DPP10: variants seen among roughly 807,000 people sequenced by gnomAD.
DPP10 encodes the protein dipeptidyl peptidase like 10.
Under a neutral mutation model 120.9 loss-of-function variants are expected in DPP10, and 33 were observed. The observed-to-expected ratio is 0.27, with a 90% CI of 0.21 to 0.37. DPP10 has a LOEUF of 0.37. Among genes scored for constraint, DPP10 ranks in the 10% least tolerant of loss-of-function variants. DPP10 has a pLI of 1.00. For missense variants in DPP10, 816 were observed against 942.8 expected, an observed-to-expected ratio of 0.87 and a Z score of 1.76; for synonymous variants, 337 against 326.1, an observed-to-expected ratio of 1.03 and a Z score of -0.36.
chr2:114,643,635 G>A (rs1695879352), intron 1 of DPP10, among the ~76,000 whole-genome samples: 1 of 151,780 alleles, frequency 6.6e-6, no homozygotes, highest in Non-Finnish European at 1.5e-5. Flanking sequence ...ATTTTACTCA[G>A]ATTATGATAT....
intron 1 of DPP10, among the ~76,000 whole-genome samples, chr2:115,085,065 C>T (rs941200367): frequency 1.3e-5 from 2 of 152,138 alleles, no homozygotes; most frequent in Non-Finnish European, 2.9e-5. Flanking sequence ...AGAGAAAATG[C>T]CAAGTGCCCC....
At chr2:114,613,628 A>T (rs192253554) in intron 1 of DPP10, among the ~76,000 whole-genome samples, 2 of 152,260 alleles carry the variant, frequency 1.3e-5, no homozygotes, top group African/African-American at 4.8e-5. Context: ...TACCCAAAGG[A>T]TTATAAATCA....
chr2:114,592,609 C>G (rs1476077880), intron 1 of DPP10, among the ~76,000 whole-genome samples: 1 of 151,740 alleles, frequency 6.6e-6, no homozygotes, highest in Non-Finnish European at 1.5e-5. Context: ...ATAAAAAAAG[C>G]TCTCATCAAA....
At chr2:115,154,767 G>C (rs532755727) in intron 1 of DPP10, among the ~76,000 whole-genome samples, 229 of 151,860 alleles carry the variant, frequency 1.5e-3, no homozygotes, top group African/African-American at 5.0e-3. Context: ...GTTAACTCCA[G>C]TCCCCAACAG....
chr2:114,996,532 C>T (rs1701096314), intron 1 of DPP10, among the ~76,000 whole-genome samples: 1 of 151,962 alleles, frequency 6.6e-6, no homozygotes, highest in Non-Finnish European at 1.5e-5. Context: ...ATTTAAAACA[C>T]ATCAGGCATT....
At chr2:115,479,690 A>G (rs2075310983) in intron 3 of DPP10, among the ~76,000 whole-genome samples, 1 of 152,160 alleles carries the variant, frequency 6.6e-6, no homozygotes, top group Non-Finnish European at 1.5e-5. Flanking sequence ...GGTCTCCCAT[A>G]AGACCAGGAG....
intron 1 of DPP10, among the ~76,000 whole-genome samples, chr2:115,291,792 A>G (rs985868765): frequency 6.6e-6 from 1 of 152,120 alleles, no homozygotes; most frequent in Non-Finnish European, 1.5e-5. Flanking sequence ...TTACTTTTGA[A>G]CACATTCATC....
At chr2:115,639,607 GA>G (rs2086617068) in intron 5 of DPP10, among the ~76,000 whole-genome samples, 1 of 149,238 alleles carries the variant, frequency 6.7e-6, no homozygotes, top group African/African-American at 2.4e-5. Context: ...ACAGGTACAT[GA>G]AACTCAAATG....
At chr2:114,709,469 G>A (rs1008754068) in intron 1 of DPP10, among the ~76,000 whole-genome samples, 1 of 152,122 alleles carries the variant, frequency 6.6e-6, no homozygotes, top group Non-Finnish European at 1.5e-5. Flanking sequence ...ACTAATTTCT[G>A]TTTTCCTGGT....
At chr2:115,695,179 A>G (rs1034104121) in intron 7 of DPP10, among the ~76,000 whole-genome samples, 15 of 152,238 alleles carry the variant, frequency 9.9e-5, no homozygotes, top group African/African-American at 3.1e-4. Flanking sequence ...GTCACCATAC[A>G]TGCACAGGGA....
At chr2:114,787,842 C>G (rs1008209471) in intron 1 of DPP10, among the ~76,000 whole-genome samples, 1 of 152,180 alleles carries the variant, frequency 6.6e-6, no homozygotes, top group African/African-American at 2.4e-5. Flanking sequence ...AAGCCTTATT[C>G]CTATCCTCAA....
intron 19 of DPP10, among the ~76,000 whole-genome samples, chr2:115,805,529 G>T (rs998603707): frequency 4.6e-5 from 7 of 151,658 alleles, no homozygotes; most frequent in Non-Finnish European, 8.8e-5. Context: ...GGCTCAGGCA[G>T]GGAGCTGTAG....
At chr2:114,736,623 A>G (rs1383761451) in intron 1 of DPP10, among the ~76,000 whole-genome samples, 2 of 152,226 alleles carry the variant, frequency 1.3e-5, no homozygotes, top group Admixed American at 1.3e-4. Flanking sequence ...AATGTTGATA[A>G]TTTAGGTAAA....
chr2:115,223,276 C>T (rs2105432614), intron 1 of DPP10, among the ~76,000 whole-genome samples: 1 of 152,044 alleles, frequency 6.6e-6, no homozygotes, highest in East Asian at 1.9e-4. Context: ...TTTTTGAGGC[C>T]ACTGTGCCAC....
chr2:114,774,750 C>T (rs757829316), intron 1 of DPP10, among the ~76,000 whole-genome samples: 19 of 151,302 alleles, frequency 1.3e-4, no homozygotes, highest in Middle Eastern at 6.8e-3. Context: ...GATTCAACAA[C>T]ATTAGTTGGC....
At chr2:115,720,483 A>G (rs1423008355) in intron 7 of DPP10, among the ~76,000 whole-genome samples, 1 of 152,138 alleles carries the variant, frequency 6.6e-6, no homozygotes, top group Non-Finnish European at 1.5e-5. Context: ...TATTTATTAA[A>G]CAAATATAAA....
At chr2:115,597,429 A>G (rs571043570) in intron 5 of DPP10, among the ~76,000 whole-genome samples, 1 of 152,184 alleles carries the variant, frequency 6.6e-6, no homozygotes, top group African/African-American at 2.4e-5. Flanking sequence ...AAGGAAGCAA[A>G]CGTAAGTACC....
intron 1 of DPP10, among the ~76,000 whole-genome samples, chr2:115,303,026 T>C (rs186865597): frequency 2.0e-5 from 3 of 152,128 alleles, no homozygotes; most frequent in African/African-American, 7.2e-5. Flanking sequence ...TAGGAAACCA[T>C]GACTGTTTCT....
At chr2:115,746,206 T>C in intron 10 of DPP10, 23 bp downstream of exon 10, 1 of 1,565,330 alleles carries the variant, frequency 6.4e-7, no homozygotes, top group Non-Finnish European at 8.8e-7. Context: ...AATTTCACTT[T>C]TATGGGGAAA....
Sources: gnomAD v4.1 joint callset for allele counts (sites outside exome capture counted in the v4.1 genomes callset) on GRCh38, gnomAD v4.1.1 for gene constraint, MANE v1.5 for transcripts, NCBI Gene and HGNC (gene_info 2026-07-23, HGNC 2026-07-21) for gene names.